SYT1: variants seen among roughly 807,000 people sequenced by gnomAD.
SYT1 encodes the protein synaptotagmin-1.
SYT1 carries 8 observed loss-of-function variants against 44.8 expected under a neutral mutation model. That is an observed-to-expected ratio of 0.18 (90% CI 0.10 to 0.32). The LOEUF (loss-of-function observed/expected upper bound fraction) is 0.32. Ranked by LOEUF, SYT1 falls within the 10% of genes least tolerant of loss-of-function variation. SYT1 has a pLI of 1.00. For synonymous variants in SYT1, 154 were observed against 188.8 expected, an observed-to-expected ratio of 0.82 and a Z score of 1.51; for missense variants, 286 against 509.3, an observed-to-expected ratio of 0.56 and a Z score of 4.22.
chr12:78,984,013 G>A (rs1212830262), intron 2 of SYT1, among the ~76,000 whole-genome samples: 2 of 151,450 alleles, frequency 1.3e-5, no homozygotes, highest in Non-Finnish European at 3.0e-5. Context: ...ATAGTTTTCA[G>A]ACCTAAATAT....
chr12:79,448,856 T>C, intron 10 of SYT1, 62 bp from the exon 11 acceptor site: 1 of 1,496,984 alleles, frequency 6.7e-7, no homozygotes, highest in Non-Finnish European at 9.3e-7. Flanking sequence ...TCAAGGACGC[T>C]TTATAGTCGG....
intron 4 of SYT1, among the ~76,000 whole-genome samples, chr12:79,243,335 G>A (rs559708010): frequency 2.0e-5 from 3 of 152,206 alleles, no homozygotes; most frequent in Non-Finnish European, 2.9e-5. Flanking sequence ...ACAGCCACAT[G>A]CTTTCTCACA....
intron 3 of SYT1, among the ~76,000 whole-genome samples, chr12:79,194,679 A>AAT (rs1376174720): frequency 8.6e-5 from 13 of 152,018 alleles, no homozygotes; most frequent in Admixed American, 8.5e-4. Context: ...GAAACACATA[A>AAT]ATATATATAT....
intron 4 of SYT1, among the ~76,000 whole-genome samples, chr12:79,251,686 T>G (rs915219576): frequency 6.6e-6 from 1 of 152,192 alleles, no homozygotes; most frequent in Non-Finnish European, 1.5e-5. Flanking sequence ...CTTCCTTCCA[T>G]GGACAGTAAA....
chr12:78,873,966 A>C (rs759492606), intron 1 of SYT1, among the ~76,000 whole-genome samples: 9 of 151,668 alleles, frequency 5.9e-5, no homozygotes, highest in Non-Finnish European at 1.3e-4. Context: ...GAAAACAGGA[A>C]TTTTAGTTGG....
At position 79,016,130 on chromosome 12, in the gene SYT1, A is replaced by G. The variant is rs552721011; in HGVS notation, c.-83-31167A>G. 1.0e-3 allele frequency among the ~76,000 whole-genome samples: 155 copies of G among 152,302 alleles called. 1 individual carries two copies. The highest frequency in any genetic ancestry group is 1.9e-3 in the Non-Finnish European group (132 of 68,012). ...AAATTTTGTGTGTAATGAATCGCAA[A>G]GAGAAAGACAGTTAAAAACAGAAGT... On this transcript the variant is annotated intron_variant, in intron 2 of 10. Transcript: ENST00000261205.
At chr12:79,231,064 T>C (rs145802261) in intron 4 of SYT1, among the ~76,000 whole-genome samples, 501 of 152,304 alleles carry the variant, frequency 3.3e-3, no homozygotes, top group Non-Finnish European at 5.6e-3. Context: ...GCTGGGAGAC[T>C]GCTGTTTCTC....
chr12:79,257,511 C>T (rs1430640882), intron 4 of SYT1, among the ~76,000 whole-genome samples: 1 of 152,174 alleles, frequency 6.6e-6, no homozygotes, highest in Non-Finnish European at 1.5e-5. Flanking sequence ...GACGGAGTCT[C>T]GCTCTGTCGC....
chr12:78,941,438 A>G (rs1222774374), intron 1 of SYT1, among the ~76,000 whole-genome samples: 3 of 150,200 alleles, frequency 2.0e-5, no homozygotes, highest in Non-Finnish European at 4.4e-5. Context: ...CACACACATT[A>G]TGTAATACTT....
At chr12:79,142,619 G>A (rs74107321) in intron 3 of SYT1, among the ~76,000 whole-genome samples, 124 of 152,284 alleles carry the variant, frequency 8.1e-4, no homozygotes, top group African/African-American at 2.9e-3. Context: ...ATGCTTGCAG[G>A]TGAAGCAAAA....
At chr12:79,057,567 AT>A (rs1259970648) in intron 3 of SYT1, among the ~76,000 whole-genome samples, 1 of 151,812 alleles carries the variant, frequency 6.6e-6, no homozygotes, top group Admixed American at 6.6e-5. Context: ...GAAGTAATAT[AT>A]TTTTTTTAGG....
chr12:79,068,464 A>C (rs1876030246), intron 3 of SYT1, among the ~76,000 whole-genome samples: 1 of 152,168 alleles, frequency 6.6e-6, no homozygotes, highest in Admixed American at 6.6e-5. Context: ...TCTGGGGATA[A>C]ACTGTTCACA....
chr12:79,050,950 C>A (rs1357898101), intron 3 of SYT1, among the ~76,000 whole-genome samples: 2 of 151,756 alleles, frequency 1.3e-5, no homozygotes, highest in Non-Finnish European at 2.9e-5. Flanking sequence ...CTAATATTTT[C>A]ATTTTATAGA....
chr12:79,034,089 G>A (rs1872977901), intron 2 of SYT1, among the ~76,000 whole-genome samples: 1 of 151,522 alleles, frequency 6.6e-6, no homozygotes, highest in Non-Finnish European at 1.5e-5. Context: ...TGTAGAGGAA[G>A]CTGTCCTGTT....
At chr12:79,132,697 A>C (rs1304064134) in intron 3 of SYT1, among the ~76,000 whole-genome samples, 1 of 144,544 alleles carries the variant, frequency 6.9e-6, no homozygotes, top group African/African-American at 2.5e-5. Context: ...AAAAAAAAAA[A>C]AAAACCCTGA....
At chr12:78,951,107 C>G (rs1225700983) in intron 1 of SYT1, among the ~76,000 whole-genome samples, 1 of 152,098 alleles carries the variant, frequency 6.6e-6, no homozygotes, top group Non-Finnish European at 1.5e-5. Context: ...GAGTGATAGT[C>G]AAGTCCAAAC....
chr12:79,040,344 G>A (rs1565776140), intron 2 of SYT1, among the ~76,000 whole-genome samples: 1 of 152,108 alleles, frequency 6.6e-6, no homozygotes, highest in Admixed American at 6.5e-5. Flanking sequence ...ATCTCATTGT[G>A]GTTTCGATTT....
In SYT1 at chr12:78,882,305, T is replaced by C. The variant is rs116100765; in HGVS notation, c.-217+17196T>C. 4.3e-3 allele frequency among the ~76,000 whole-genome samples: 651 copies of C among 151,790 alleles called. 9 individuals are homozygous for C. Among genetic ancestry groups the C allele is most frequent in the African/African-American group, 0.015 (624 of 41,470 alleles). On this transcript the variant is annotated intron_variant, in intron 1 of 10. Coordinates refer to ENST00000261205, the MANE Select transcript of SYT1 (RefSeq NM_005639.3). ...AACAGAAAATAATATTGTAGTCTGG[T>C]ATATTTGAGGGAGGATGAGCAGGCT...
At chr12:78,929,667 G>A (rs1877524476) in intron 1 of SYT1, among the ~76,000 whole-genome samples, 1 of 150,794 alleles carries the variant, frequency 6.6e-6, no homozygotes, top group Non-Finnish European at 1.5e-5. Flanking sequence ...AAATGTAGCA[G>A]CCATCTAATC....
Sources: gnomAD v4.1 joint callset for allele counts (sites outside exome capture counted in the v4.1 genomes callset) on GRCh38, gnomAD v4.1.1 for gene constraint, MANE v1.5 for transcripts, NCBI Gene and HGNC (gene_info 2026-07-23, HGNC 2026-07-21) for gene names.